Variants in CRACDL observed in about 807,000 individuals in gnomAD.
CRACDL encodes the protein CRACD-like protein.
A neutral mutation model predicts 70.6 loss-of-function variants in CRACDL; 26 were observed. That is an observed-to-expected ratio of 0.37 (90% CI 0.27 to 0.51). The LOEUF (loss-of-function observed/expected upper bound fraction) is 0.51. Ranked by LOEUF, CRACDL falls within the 20% of genes least tolerant of loss-of-function variation. The pLI, the probability that CRACDL is intolerant of heterozygous loss-of-function variation, is 0.94. For missense variants in CRACDL, 1,283 were observed against 1,376.9 expected (o/e 0.93, Z 1.08); for synonymous variants, 618 against 615.2 (o/e 1.00, Z -0.07).
chr2:98,821,762 G>C, intron 7 of CRACDL, 95 bp downstream of exon 7: 1 of 1,442,464 alleles, frequency 6.9e-7, no homozygotes, highest in Non-Finnish European at 9.3e-7. Flanking sequence ...AACAAAGTTT[G>C]TACCAGGAGC....
intron 1 of CRACDL, among the ~76,000 whole-genome samples, chr2:98,925,360 C>G (rs540742643): frequency 6.6e-6 from 1 of 152,318 alleles, no homozygotes; most frequent in South Asian, 2.1e-4. Flanking sequence ...TTTCCAAGTT[C>G]TCGGCTTGAG....
At chr2:98,918,516 C>T (rs1326909878) in intron 1 of CRACDL, among the ~76,000 whole-genome samples, 23 of 126,934 alleles carry the variant, frequency 1.8e-4, no homozygotes, top group Non-Finnish European at 2.4e-4. Context: ...CCAGCCTGGG[C>T]GACAGAGCAA....
chr2:98,858,797 A>G (rs1706816598), intron 1 of CRACDL, among the ~76,000 whole-genome samples: 1 of 152,146 alleles, frequency 6.6e-6, no homozygotes, highest in Non-Finnish European at 1.5e-5. Context: ...ACCAATAATA[A>G]GAAGGCATCA....
At chr2:98,885,238 GA>G (rs1165291768) in intron 1 of CRACDL, among the ~76,000 whole-genome samples, 1 of 152,176 alleles carries the variant, frequency 6.6e-6, no homozygotes, top group East Asian at 1.9e-4. Context: ...AAGGGTGTGT[GA>G]GACGTAAGGC....
intron 8 of CRACDL, among the ~76,000 whole-genome samples, 184 bp from the exon 9 acceptor site, chr2:98,796,448 T>C (rs1703825820): frequency 6.6e-6 from 1 of 152,212 alleles, no homozygotes; most frequent in Non-Finnish European, 1.5e-5. Context: ...CTGGGACCAG[T>C]ATGCGGCCTT....
intron 1 of CRACDL, among the ~76,000 whole-genome samples, chr2:98,874,301 T>G (rs1256812896): frequency 6.6e-6 from 1 of 152,212 alleles, no homozygotes; most frequent in Non-Finnish European, 1.5e-5. Flanking sequence ...ATTACATTGA[T>G]CCCTGATCAA....
At chr2:98,800,281 T>C (rs1704018678) in intron 7 of CRACDL, among the ~76,000 whole-genome samples, 1 of 151,950 alleles carries the variant, frequency 6.6e-6, no homozygotes. Context: ...CACTGGTGAG[T>C]GGGAGTAGGG....
At chr2:98,807,064 T>C (rs867765543) in intron 7 of CRACDL, among the ~76,000 whole-genome samples, 2 of 152,342 alleles carry the variant, frequency 1.3e-5, no homozygotes, top group African/African-American at 4.8e-5. Flanking sequence ...ATCATATTCA[T>C]AATGACCCTC....
intron 7 of CRACDL, among the ~76,000 whole-genome samples, chr2:98,811,516 CAAAAAAA>C (rs1199306759): frequency 6.7e-3 from 332 of 49,652 alleles, no homozygotes; most frequent in Non-Finnish European, 0.011. Flanking sequence ...GACTCTGTCT[CAAAAAAA>C]AAAAAAAAAA....
At chr2:98,832,591 A>G (rs1366864939) in intron 4 of CRACDL, 79 bp from the exon 5 acceptor site, 5 of 1,313,180 alleles carry the variant, frequency 3.8e-6, no homozygotes, top group African/African-American at 2.9e-5. Context: ...TAATTCATTC[A>G]TGCTGGAAAT....
intron 7 of CRACDL, among the ~76,000 whole-genome samples, chr2:98,821,107 C>A (rs1473585925): frequency 6.6e-6 from 1 of 152,218 alleles, no homozygotes; most frequent in Non-Finnish European, 1.5e-5. Flanking sequence ...CTCTTTATCT[C>A]ATGTTTACAC....
Position 98,824,808 on chromosome 2 carries a change from C to T in CRACDL, c.736-1271G>A, listed in dbSNP as rs187803121. ...GTTTGTGACAATACCTAAGCAAACT[C>T]TTGCCAAAATGCACAATCCTATTCT... is the stretch of plus-strand genomic sequence containing the variant. On this transcript the variant is annotated intron_variant, in intron 6 of 9. Coordinates refer to ENST00000397899, the MANE Select transcript of CRACDL (RefSeq NM_207362.3). Among the ~76,000 whole-genome samples, 752 of 152,266 alleles carry T rather than the reference C, an allele frequency of 4.9e-3. 1 individual carries two copies. Among genetic ancestry groups the T allele is most frequent in the African/African-American group, 0.016 (673 of 41,534 alleles).
At chr2:98,903,737 T>C (rs1343082273) in intron 1 of CRACDL, among the ~76,000 whole-genome samples, 1 of 152,238 alleles carries the variant, frequency 6.6e-6, no homozygotes, top group African/African-American at 2.4e-5. Flanking sequence ...CTTCCCCCTC[T>C]AATTGCTTTT....
At position 98,822,974 on chromosome 2, in the gene CRACDL, G is replaced by A. The variant is rs1575349642; in HGVS notation, c.1299C>T (p.Arg433=). 4 of 1,483,388 alleles carry A rather than the reference G, an allele frequency of 2.7e-6. No individual in the cohort carries two copies. The highest frequency in any genetic ancestry group is 5.4e-5 in the East Asian group (2 of 36,988). The allele number at this position is 1,483,388 out of a possible 1,614,324, so 91.9% of individuals were successfully genotyped here. Residue 433 remains arginine, a synonymous_variant, in exon 7 of 10, where the codon CGC becomes CGT. Transcript: ENST00000397899. The surrounding 1 kb of genome is among the most constrained non-coding windows in gnomAD (Gnocchi z 4.9). The part of the protein sequence containing the change: ...EAPSARDGPE[R]SVPKEAEPTP... ...TCGGCTCCGCTTCCTTCGGGACACT[G>A]CGTTCTGGCCCGTCGCGAGCAGAGG...
Position 98,821,838 on chromosome 2 carries a change from A to C in CRACDL, c.2416+19T>G, listed in dbSNP as rs1575345997. The stretch of plus-strand genomic sequence containing the variant: ...TCTCCCCAGGCCCTGCCCTTCCCGC[A>C]CCCTCGGCGGGCTCTTACCAGCTCC... On this transcript the variant is annotated intron_variant, in intron 7 of 9. Coordinates refer to ENST00000397899, the MANE Select transcript of CRACDL (RefSeq NM_207362.3). The C allele has an allele frequency of 6.2e-7, 1 of 1,605,216 alleles. No homozygotes were observed. Among genetic ancestry groups the C allele is most frequent in the Non-Finnish European group, 8.5e-7 (1 of 1,178,192 alleles).
chr2:98,897,008 T>C (rs746967533), intron 1 of CRACDL, among the ~76,000 whole-genome samples: 15 of 152,132 alleles, frequency 9.9e-5, no homozygotes, highest in Non-Finnish European at 1.8e-4. Flanking sequence ...TACAAGCCCA[T>C]GGGTTTTGAC....
At chr2:98,881,154 T>C (rs1707641133) in intron 1 of CRACDL, among the ~76,000 whole-genome samples, 1 of 152,182 alleles carries the variant, frequency 6.6e-6, no homozygotes, top group South Asian at 2.1e-4. Flanking sequence ...GAGGCAGCCC[T>C]GTAGGACCAA....
intron 1 of CRACDL, among the ~76,000 whole-genome samples, chr2:98,913,701 G>T (rs1266995357): frequency 2.6e-5 from 4 of 152,216 alleles, no homozygotes; most frequent in African/African-American, 9.6e-5. Flanking sequence ...TTCGGGAGCA[G>T]AAAGCCCTAG....
chr2:98,915,794 CAAGGCACA>C (rs1229438426), intron 1 of CRACDL, among the ~76,000 whole-genome samples: 4 of 152,172 alleles, frequency 2.6e-5, no homozygotes, highest in Non-Finnish European at 5.9e-5. Flanking sequence ...CCCACCGAGG[CAAGGCACA>C]AAGGCAATTA....
Sources: allele counts gnomAD v4.1 joint callset (sites outside exome capture counted in the v4.1 genomes callset), GRCh38; gene constraint gnomAD v4.1.1; non-coding constraint Gnocchi (gnomAD v3.1); transcripts MANE v1.5; gene names NCBI Gene and HGNC (gene_info 2026-07-23, HGNC 2026-07-21).